DISP3: variants seen among roughly 807,000 people sequenced by gnomAD.
The protein encoded by DISP3 is dispatched RND transporter family member 3.
DISP3 carries 101 observed loss-of-function variants against 135.3 expected under a neutral mutation model. The ratio of observed to expected loss-of-function variants is 0.75; its 90% CI spans 0.64 to 0.88. DISP3 has a LOEUF of 0.88. DISP3 is among the 40% of genes least tolerant of loss of function. The probability of loss-of-function intolerance (pLI) is 0.00; values close to 1 mark genes in which losing one functional copy is unlikely to be tolerated. For missense variants in DISP3, 1,713 were observed against 1,878.6 expected, an observed-to-expected ratio of 0.91 and a Z score of 1.63; for synonymous variants, 856 against 817.0, an observed-to-expected ratio of 1.05 and a Z score of -0.81.
rs1642430999 is a variant in DISP3 at position 11,526,733 on chromosome 1, C to T, written c.2696C>T (p.Pro899Leu). Residue 899 changes from proline to leucine, a missense_variant, in exon 13 of 21, where the codon CCC becomes CTC. Pro to Leu is a moderately conservative substitution (Grantham distance 98). Coordinates refer to ENST00000294484, the MANE Select transcript of DISP3 (RefSeq NM_020780.2). ...GTAGGGCTGCTCCAGGCGGCGAGCCCCTCCCGCAAGTGGATGCTGACGACC... is the reference window on the plus strand; with the variant it reads ...GTAGGGCTGCTCCAGGCGGCGAGCCTCTCCCGCAAGTGGATGCTGACGACC... ...STVGLLQAAS[P>L]SRKWMLTTLA... 6.2e-7 allele frequency: 1 copy of T among 1,614,098 alleles called. No homozygotes were observed. The highest frequency in any genetic ancestry group is 1.3e-5 in the African/African-American group (1 of 75,062).
intron 1 of DISP3, chr1:11,481,458 A>G (rs1262383553): frequency 6.6e-6 from 1 of 152,220 alleles, no homozygotes; most frequent in East Asian, 1.9e-4. Context: ...TCTGGTAGCC[A>G]TGACCTGGCT....
rs546951543 is a variant in DISP3 at position 11,535,458 on chromosome 1, C to G, written c.3650-20C>G. 6.3e-7 allele frequency: 1 copy of G among 1,592,472 alleles called. No individual in the cohort carries two copies. The highest frequency in any genetic ancestry group is 1.3e-5 in the African/African-American group (1 of 74,758). On this transcript the variant is annotated intron_variant, in intron 19 of 20. Transcript: ENST00000294484. Reference sequence around the variant, plus strand: ...CCAGGGCGGGGGATCCGAGCTGCCCCCCCTGCTGTCTCCTTGCAGGCATCG... The same window carrying G: ...CCAGGGCGGGGGATCCGAGCTGCCCGCCCTGCTGTCTCCTTGCAGGCATCG...
chr1:11,533,878 G>T lies in DISP3; in HGVS notation c.3376-503G>T, dbSNP rs74055728. 2.2e-3 allele frequency: 1,606 copies of T among 717,138 alleles called. 18 individuals are homozygous for T. In the African/African-American group the frequency reaches 0.026, roughly 12 times the overall value. The allele number at this position is 717,138 out of a possible 1,614,324, so 44.4% of individuals were successfully genotyped here. A position where few individuals can be genotyped will look rare whatever the true frequency, so the allele number is the denominator to read the frequency against. On this transcript the variant is annotated intron_variant, in intron 17 of 20. Transcript: ENST00000294484. Reference sequence around the variant, plus strand: ...CATCCATGAGCACCTCTCGGGACTGGGCACTGTGGGCCAGCCAGGCTGCTC... The same window carrying T: ...CATCCATGAGCACCTCTCGGGACTGTGCACTGTGGGCCAGCCAGGCTGCTC...
At chr1:11,496,696 C>T (rs1001433863) in intron 1 of DISP3, among the ~76,000 whole-genome samples, 1 of 152,194 alleles carries the variant, frequency 6.6e-6, no homozygotes, top group Admixed American at 6.5e-5. Context: ...CTGAGGCATT[C>T]GTGTTCCACC....
chr1:11,520,887 T>C lies in DISP3; in HGVS notation c.2362+39T>C, dbSNP rs1276286829. The C allele has an allele frequency of 1.3e-6, 2 of 1,545,398 alleles. No individual in the cohort carries two copies. Among genetic ancestry groups the C allele is most frequent in the African/African-American group, 2.7e-5 (2 of 73,134 alleles). The stretch of plus-strand genomic sequence containing the variant: ...CCAGGCTGTCCCTGGCCCGCTCAGG[T>C]GTCCGGGTCCCAAAGACTGTTGGTC... On this transcript the variant is annotated intron_variant, in intron 10 of 20. Coordinates refer to ENST00000294484, the MANE Select transcript of DISP3 (RefSeq NM_020780.2). The surrounding 1 kb of genome is among the most constrained non-coding windows in gnomAD (Gnocchi z 4.8).
At position 11,483,905 on chromosome 1, in the gene DISP3, A is replaced by C. The variant is rs1396875304; in HGVS notation, c.-4+4533A>C. On this transcript the variant is annotated intron_variant, in intron 1 of 20. Coordinates refer to ENST00000294484, the MANE Select transcript of DISP3 (RefSeq NM_020780.2). This position sits in a 1 kb window ranked among gnomAD's most constrained non-coding sequence, Gnocchi z 5.4. ...AGAGAGGGCAAGTGAGTTGCCCAGCATCACACAGCATGTTGGTAGCAGAGC... is the reference window on the plus strand; with the variant it reads ...AGAGAGGGCAAGTGAGTTGCCCAGCCTCACACAGCATGTTGGTAGCAGAGC... Among the ~76,000 whole-genome samples the C allele has an allele frequency of 6.6e-6, 1 of 152,262 alleles. No homozygotes were observed. Among genetic ancestry groups the C allele is most frequent in the Non-Finnish European group, 1.5e-5 (1 of 68,048 alleles).
chr1:11,522,638 GA>G (rs1642246169), intron 10 of DISP3, among the ~76,000 whole-genome samples: 10 of 129,258 alleles, frequency 7.7e-5, no homozygotes, highest in African/African-American at 8.8e-5. Flanking sequence ...AGCCCAGCCA[GA>G]GCCCAGCCAG....
chr1:11,534,329 CG>C, intron 17 of DISP3, 51 bp from the exon 18 acceptor site: 1 of 1,600,954 alleles, frequency 6.2e-7, no homozygotes, highest in Non-Finnish European at 8.6e-7. Context: ...CTGGGAAGGG[CG>C]GGTGGGCCAC....
intron 1 of DISP3, among the ~76,000 whole-genome samples, chr1:11,486,527 TC>T (rs1641039839): frequency 6.6e-6 from 1 of 152,118 alleles, no homozygotes; most frequent in Non-Finnish European, 1.5e-5. Context: ...CAGCAGATGA[TC>T]CCAGAGTAAC....
chr1:11,501,063 C>G lies in DISP3; in HGVS notation c.71C>G (p.Thr24Arg). The G allele has an allele frequency of 6.2e-7, 1 of 1,614,140 alleles. No homozygotes were observed. Among genetic ancestry groups the G allele is most frequent in the Non-Finnish European group, 8.5e-7 (1 of 1,180,012 alleles). The change falls in exon 2 of 21, where the codon ACG becomes AGG. Residue 24 changes from threonine (T) to arginine (R), a missense_variant. Around this residue, in one of 2 missense-constraint regions of DISP3, gnomAD observed 571 missense variants for 494.1 expected, o/e 1.16. Transcript: ENST00000294484. This position sits in a 1 kb window ranked among gnomAD's most constrained non-coding sequence, Gnocchi z 4.9. ...LEEEQEEEEA[T>R]GETFLGAQKP... ...GAGGAGCAGGAGGAGGAAGAAGCAA[C>G]GGGTGAAACCTTTTTAGGGGCCCAG...
rs573120552 is a variant in DISP3, at chr1:11,536,237, C to T, written c.3817-87C>T. Reference sequence around the variant, plus strand: ...TCCCAGTAACAGAGCAGGAACCTGGCGTGGGGTGGGGGTGCGTGATTCCCC... The same window carrying T: ...TCCCAGTAACAGAGCAGGAACCTGGTGTGGGGTGGGGGTGCGTGATTCCCC... On this transcript the variant is annotated intron_variant, in intron 20 of 20. Transcript: ENST00000294484. The surrounding 1 kb of genome is among the most constrained non-coding windows in gnomAD (Gnocchi z 4.3). The T allele has an allele frequency of 2.5e-5, 38 of 1,491,382 alleles. No individual in the cohort carries two copies. The highest frequency in any genetic ancestry group is 4.3e-5 in the Admixed American group (2 of 46,844). The allele number at this position is 1,491,382 out of a possible 1,614,324, so 92.4% of individuals were successfully genotyped here. A position where few individuals can be genotyped will look rare whatever the true frequency, so the allele number is the denominator to read the frequency against.
At chr1:11,481,063 T>TCTCTCTCACA (rs111980045) in intron 1 of DISP3, among the ~76,000 whole-genome samples, 1 of 144,842 alleles carries the variant, frequency 6.9e-6, no homozygotes, top group Admixed American at 6.8e-5. Context: ...TCTCTCTCTC[T>TCTCTCTCACA]CACACACATA....
chr1:11,482,042 A>G (rs1490440331), intron 1 of DISP3: 1 of 152,240 alleles, frequency 6.6e-6, no homozygotes, highest in African/African-American at 2.4e-5. Context: ...AAATGAATGA[A>G]TAGAAGATTT....
At chr1:11,497,757 C>T (rs997136294) in intron 1 of DISP3, among the ~76,000 whole-genome samples, 1 of 152,168 alleles carries the variant, frequency 6.6e-6, no homozygotes, top group Admixed American at 6.5e-5. Flanking sequence ...ACATACGATG[C>T]TTGGTTTTCC....
intron 10 of DISP3, among the ~76,000 whole-genome samples, chr1:11,523,485 C>A (rs1240331827): frequency 2.6e-4 from 32 of 121,298 alleles, no homozygotes; most frequent in African/African-American, 1.0e-3. Context: ...CAAGCGGGGG[C>A]AGAGTGGCAC....
At chr1:11,502,566 G>A (rs750470580) in intron 2 of DISP3, 112 bp from the exon 3 acceptor site, 6 of 837,566 alleles carry the variant, frequency 7.2e-6, no homozygotes, top group Non-Finnish European at 1.1e-5. Flanking sequence ...TGGTGGATAT[G>A]GACAGGGGGA....
intron 18 of DISP3, 93 bp downstream of exon 18, chr1:11,534,633 C>T: frequency 6.8e-7 from 1 of 1,462,470 alleles, no homozygotes; most frequent in Non-Finnish European, 9.1e-7. Context: ...TCACAATCTC[C>T]ATCCTGGCCA....
rs1293716436 is a variant in DISP3 at position 11,515,370 on chromosome 1, G to T, written c.1455G>T (p.Val485=). Residue 485 remains valine (V), a splice_region_variant and synonymous_variant, in exon 5 of 21, where the codon GTG becomes GTT. Transcript: ENST00000294484. ...CCCTGTGTCTCTTACCCTGCCCAGT[G>T]TTCCTGTCCTTCTTTGGGATTGCCA... The part of the protein sequence containing the change: ...ALVYILTSCS[V]FLSFFGIASI... The T allele has an allele frequency of 1.2e-6, 2 of 1,614,242 alleles. No homozygotes were observed. Among genetic ancestry groups the T allele is most frequent in the Middle Eastern group, 3.3e-4 (2 of 6,060 alleles).
chr1:11,492,509 TG>T (rs1312172760), intron 1 of DISP3, among the ~76,000 whole-genome samples: 2 of 152,134 alleles, frequency 1.3e-5, no homozygotes, highest in African/African-American at 2.4e-5. Context: ...CTCTGAGAAA[TG>T]GGGGGCTTGG....
Sources: gnomAD v4.1 joint callset for allele counts (sites outside exome capture counted in the v4.1 genomes callset) on GRCh38, gnomAD v4.1.1 for gene constraint, gnomAD v4.1.1 regional missense constraint, Gnocchi (gnomAD v3.1) non-coding constraint, MANE v1.5 for transcripts, NCBI Gene and HGNC (gene_info 2026-07-23, HGNC 2026-07-21) for gene names.